Variants in RARB observed in about 807,000 individuals in gnomAD.
RARB encodes retinoic acid receptor beta, also known as HBV-activated protein.
RARB carries 17 observed loss-of-function variants against 51.9 expected under a neutral mutation model. The observed-to-expected ratio is 0.33, with a 90% CI of 0.22 to 0.49. RARB has a LOEUF of 0.49. RARB is among the 20% of genes least tolerant of loss of function. The pLI is 0.99. For synonymous variants in RARB, 215 were observed against 195.4 expected (o/e 1.10, Z -0.84); for missense variants, 369 against 550.8 (o/e 0.67, Z 3.30).
intron 5 of RARB, among the ~76,000 whole-genome samples, chr3:25,192,999 G>C (rs1422807632): frequency 6.6e-6 from 1 of 152,034 alleles, no homozygotes; most frequent in East Asian, 1.9e-4. Flanking sequence ...TGTTGCTTCA[G>C]ACATTGTAGG....
At chr3:25,240,940 A>G (rs957704155) in intron 5 of RARB, among the ~76,000 whole-genome samples, 1 of 152,172 alleles carries the variant, frequency 6.6e-6, no homozygotes, top group Non-Finnish European at 1.5e-5. Flanking sequence ...GAATTTGACA[A>G]TGAAGCCATT....
intron 3 of RARB, among the ~76,000 whole-genome samples, chr3:25,066,092 T>G (rs1394314699): frequency 6.6e-6 from 1 of 152,222 alleles, no homozygotes; most frequent in African/African-American, 2.4e-5. Context: ...CAAGATTCCC[T>G]TATTACTGTG....
At chr3:24,882,947 C>CT (rs1703196166) in intron 2 of RARB, among the ~76,000 whole-genome samples, 2 of 152,124 alleles carry the variant, frequency 1.3e-5, no homozygotes, top group South Asian at 4.1e-4. Context: ...AAAGGGTTTC[C>CT]TTATTTATTC....
Position 25,357,906 on chromosome 3 carries a change from T to C in RARB, c.179-103287T>C, listed in dbSNP as rs1338546445. Among the ~76,000 whole-genome samples, 3 of 152,222 alleles carry C rather than the reference T, an allele frequency of 2.0e-5. No individual in the cohort carries two copies. The East Asian group carries it at 5.8e-4, about 29-fold the overall frequency. ...ACCAGTACCATGCTGTTTCAGTTAC[T>C]GTAGCCTTGTAGTATAGTTTGAAGT... On this transcript the variant is annotated intron_variant, in intron 5 of 11. Transcript: ENST00000383772.
chr3:25,578,477 C>G (rs1451121902), intron 4 of RARB, among the ~76,000 whole-genome samples: 1 of 152,192 alleles, frequency 6.6e-6, no homozygotes, highest in Admixed American at 6.5e-5. Context: ...GGGGCAATGT[C>G]TTTTTTTCCA....
chr3:25,420,681 G>A (rs578058691), intron 5 of RARB, among the ~76,000 whole-genome samples: 1 of 152,246 alleles, frequency 6.6e-6, no homozygotes, highest in Admixed American at 6.5e-5. Context: ...ACCTTTGGGG[G>A]TTTAGGTCAT....
intron 4 of RARB, among the ~76,000 whole-genome samples, chr3:25,161,849 T>C (rs1700478033): frequency 6.6e-6 from 1 of 152,190 alleles, no homozygotes; most frequent in African/African-American, 2.4e-5. Flanking sequence ...GTATGCATGG[T>C]GAGGACCACG....
At chr3:25,219,727 C>T (rs1370998703) in intron 5 of RARB, among the ~76,000 whole-genome samples, 1 of 152,172 alleles carries the variant, frequency 6.6e-6, no homozygotes, top group Admixed American at 6.5e-5. Flanking sequence ...TCATGAACCA[C>T]AACTTCTAGG....
chr3:25,042,996 G>T (rs919340128), intron 2 of RARB, among the ~76,000 whole-genome samples: 1 of 152,190 alleles, frequency 6.6e-6, no homozygotes, highest in Non-Finnish European at 1.5e-5. Flanking sequence ...AGACGAAAAT[G>T]CTGAAAGCAT....
chr3:25,051,097 G>A (rs1406837651), intron 2 of RARB, among the ~76,000 whole-genome samples: 2 of 152,100 alleles, frequency 1.3e-5, no homozygotes, highest in African/African-American at 4.8e-5. Context: ...TTTAACACAA[G>A]TAGAATAGGG....
At chr3:25,094,859 T>C (rs1192448226) in intron 3 of RARB, among the ~76,000 whole-genome samples, 1 of 151,816 alleles carries the variant, frequency 6.6e-6, no homozygotes, top group African/African-American at 2.4e-5. Flanking sequence ...GGAAGGACTC[T>C]CCTGATGTCT....
intron 3 of RARB, 143 bp downstream of exon 3, chr3:25,501,466 G>A: frequency 9.8e-7 from 1 of 1,016,388 alleles, no homozygotes; most frequent in Non-Finnish European, 1.4e-6. Flanking sequence ...TGAAAATGGG[G>A]ATTGATATGG....
chr3:25,196,646 A>C (rs147461756), intron 5 of RARB, among the ~76,000 whole-genome samples: 12,044 of 152,188 alleles, frequency 0.079, 639 homozygotes, highest in Non-Finnish European at 0.12. Context: ...GAATCGCCAC[A>C]CTGTCTTCCA....
chr3:25,102,777 C>T (rs772162345), intron 3 of RARB, among the ~76,000 whole-genome samples: 7 of 152,052 alleles, frequency 4.6e-5, no homozygotes, highest in East Asian at 1.9e-4. Flanking sequence ...TCATGCTGGG[C>T]GCTGTGGCTC....
chr3:24,951,902 T>C (rs2125406188), intron 2 of RARB, among the ~76,000 whole-genome samples: 1 of 152,320 alleles, frequency 6.6e-6, no homozygotes, highest in East Asian at 1.9e-4. Context: ...TTCTGCAAAT[T>C]TGGATTACAG....
intron 5 of RARB, among the ~76,000 whole-genome samples, chr3:25,230,596 C>T (rs890640286): frequency 5.3e-5 from 8 of 151,794 alleles, no homozygotes; most frequent in Non-Finnish European, 1.2e-4. Flanking sequence ...CTAGTATTCA[C>T]GATGTGTCAG....
chr3:25,309,828 A>G (rs1407157888), intron 5 of RARB, among the ~76,000 whole-genome samples: 1 of 152,146 alleles, frequency 6.6e-6, no homozygotes, highest in African/African-American at 2.4e-5. Context: ...GTAATGAAAC[A>G]GATGTCTCAA....
chr3:25,371,000 C>T (rs1322632164), intron 5 of RARB, among the ~76,000 whole-genome samples: 1 of 152,160 alleles, frequency 6.6e-6, no homozygotes, highest in East Asian at 1.9e-4. Flanking sequence ...TCACGTATCT[C>T]CTCTGTGGGT....
chr3:25,046,655 A>G (rs1698222899), intron 2 of RARB, among the ~76,000 whole-genome samples: 1 of 152,026 alleles, frequency 6.6e-6, no homozygotes, highest in South Asian at 2.1e-4. Context: ...GGGTTTCACC[A>G]TGTTGGTCAG....
Sources: gnomAD v4.1 joint callset for allele counts (sites outside exome capture counted in the v4.1 genomes callset) on GRCh38, gnomAD v4.1.1 for gene constraint, MANE v1.5 for transcripts, NCBI Gene and HGNC (gene_info 2026-07-23, HGNC 2026-07-21) for gene names.